The following PRX variants were observed in gnomAD, a reference collection of about 807,000 sequenced individuals.
PRX encodes periaxin.
PRX carries 24 observed loss-of-function variants against 29.6 expected under a neutral mutation model. That is an observed-to-expected ratio of 0.81 (90% CI 0.59 to 1.14). The LOEUF (loss-of-function observed/expected upper bound fraction) is 1.14, where lower values mean the gene tolerates loss of function less well. Ranked by LOEUF, PRX falls within the 50% of genes most tolerant of loss-of-function variation. The probability of loss-of-function intolerance (pLI) is 0.00; values close to 1 mark genes in which losing one functional copy is unlikely to be tolerated. For synonymous variants in PRX, 772 were observed against 831.7 expected (o/e 0.93, Z 1.24); for missense variants, 1,838 against 1,926.4 (o/e 0.95, Z 0.86).
At chr19:40,414,190 A>G (rs775289337), upstream of PRX, among the ~76,000 whole-genome samples, 43 of 152,094 alleles carry the variant, frequency 2.8e-4, no homozygotes, top group African/African-American at 9.6e-4. Context: ...TGGTGTGATC[A>G]TGGCTCACTG....
At position 40,403,694 on chromosome 19, in the gene PRX, G is replaced by A. The variant is rs1035025822; in HGVS notation, c.184+12C>T. On this transcript the variant is annotated intron_variant, in intron 5 of 6. Transcript: ENST00000324001. ...GCAGTTCGACCCCGCCCCACACCCC[G>A]GGCCCGCCCACCTTCCTGCAGGCTG... The A allele has an allele frequency of 3.4e-6, 5 of 1,456,356 alleles. No individual in the cohort carries two copies. The highest frequency in any genetic ancestry group is 4.6e-6 in the Non-Finnish European group (5 of 1,093,790). 90.2% of individuals were successfully genotyped at this position (1,456,356 alleles called of 1,614,324 possible). A position where few individuals can be genotyped will look rare whatever the true frequency, so the allele number is the denominator to read the frequency against.
At chr19:40,404,939 G>A (rs13345497) in intron 4 of PRX, among the ~76,000 whole-genome samples, 8,680 of 152,128 alleles carry the variant, frequency 0.057, 844 homozygotes, top group African/African-American at 0.2. Context: ...AGCAGAACAA[G>A]AGAATAGTTG....
chr19:40,398,026 A>G lies in PRX; in HGVS notation c.382-56T>C. 2 of 1,558,966 alleles carry G rather than the reference A, an allele frequency of 1.3e-6. No individual in the cohort carries two copies. The highest frequency in any genetic ancestry group is 1.7e-6 in the Non-Finnish European group (2 of 1,151,722). ...TGGGACAGTGGGAGGCTGGGAGTGG[A>G]CAGGAAGAGCCCCACCTGGTATTGG... On this transcript the variant is annotated intron_variant, in intron 6 of 6. Transcript: ENST00000324001. The surrounding 1 kb of genome is among the most constrained non-coding windows in gnomAD (Gnocchi z 6.3).
At position 40,398,008 on chromosome 19, in the gene PRX, G is replaced by T. The variant is rs1295384456; in HGVS notation, c.382-38C>A. The T allele has an allele frequency of 1.3e-6, 2 of 1,582,034 alleles. No homozygotes were observed. The highest frequency in any genetic ancestry group is 1.7e-6 in the Non-Finnish European group (2 of 1,163,644). ...GAGAGAGGCAGGAGGCGGTGGGACAGTGGGAGGCTGGGAGTGGACAGGAAG... is the reference window on the plus strand; with the variant it reads ...GAGAGAGGCAGGAGGCGGTGGGACATTGGGAGGCTGGGAGTGGACAGGAAG... On this transcript the variant is annotated intron_variant, in intron 6 of 6. Transcript: ENST00000324001. This position sits in a 1 kb window ranked among gnomAD's most constrained non-coding sequence, Gnocchi z 6.3.
chr19:40,399,854 T>TTC lies in PRX; in HGVS notation c.185-1039_185-1038insGA, dbSNP rs1568711487. 2.2e-3 allele frequency among the ~76,000 whole-genome samples: 208 copies of TTC among 93,922 alleles called. 2 individuals are homozygous for TTC. Among genetic ancestry groups the TTC allele is most frequent in the Non-Finnish European group, 3.0e-3 (146 of 48,336 alleles). The allele number at this position is 93,922 out of a possible 152,430, so 61.6% of individuals were successfully genotyped here. The stretch of plus-strand genomic sequence containing the variant: ...CCACTACACCCAGCTTTCTTTCCTT[T>TTC]CTTTCTTTCTTTCTTTCTTTCTTTC... On this transcript the variant is annotated intron_variant, in intron 5 of 6. Transcript: ENST00000324001.
At chr19:40,410,121 C>G (rs1401035290) in intron 1 of PRX, among the ~76,000 whole-genome samples, 2 of 152,200 alleles carry the variant, frequency 1.3e-5, no homozygotes, top group Non-Finnish European at 2.9e-5. Context: ...CTCAAGGCCT[C>G]ATAGCACAGC....
Position 40,398,403 on chromosome 19 carries a change from T to C in PRX, c.381+217A>G. ...GCCTGGATCCGATGGTGGGGACGCC[T>C]CTCCGAGGTGGGTGAGGGCCCTGGG... On this transcript the variant is annotated intron_variant, in intron 6 of 6. Transcript: ENST00000324001. This position sits in a 1 kb window ranked among gnomAD's most constrained non-coding sequence, Gnocchi z 6.3. The C allele has an allele frequency of 6.8e-7, 1 of 1,466,502 alleles. No individual in the cohort carries two copies. The highest frequency in any genetic ancestry group is 1.4e-5 in the African/African-American group (1 of 70,916). 90.8% of individuals were successfully genotyped at this position (1,466,502 alleles called of 1,614,324 possible).
Position 40,394,364 on chromosome 19 carries a change from T to G in PRX, c.3988A>C (p.Lys1330Gln), listed in dbSNP as rs1480518933. 1.2e-6 allele frequency: 2 copies of G among 1,603,646 alleles called. No homozygotes were observed. Among genetic ancestry groups the G allele is most frequent in the African/African-American group, 2.7e-5 (2 of 74,644 alleles). Residue 1330 changes from lysine to glutamine, a missense_variant, in exon 7 of 7, where the codon AAA (lysine) becomes CAA (glutamine). Lys to Gln is a moderately conservative substitution (Grantham distance 53). Coordinates refer to ENST00000324001, the MANE Select transcript of PRX (RefSeq NM_181882.3). This position sits in a 1 kb window ranked among gnomAD's most constrained non-coding sequence, Gnocchi z 5.8. ...AEEGEKAKSPKLRLPRVGFSQ... is the reference protein window; with the variant it reads ...AEEGEKAKSPQLRLPRVGFSQ... ...AAGCCCACTCGGGGCAGCCTGAGTT[T>G]GGGGCTCTTGGCCTTCTCACCCTCC...
upstream of PRX, among the ~76,000 whole-genome samples, chr19:40,413,565 C>T (rs2079569151): frequency 3.3e-5 from 5 of 152,218 alleles, no homozygotes; most frequent in South Asian, 1.0e-3. Context: ...AGCCGCCTCT[C>T]TCTTGCCTGG....
chr19:40,395,683 C>T lies in PRX; in HGVS notation c.2669G>A (p.Gly890Glu), dbSNP rs1033917570. 3 of 1,614,030 alleles carry T rather than the reference C, an allele frequency of 1.9e-6. No individual in the cohort carries two copies. Among genetic ancestry groups the T allele is most frequent in the Admixed American group, 1.7e-5 (1 of 60,012 alleles). ...ERVEGPEVAA[G>E]VREVGFRVPS... is the part of the protein sequence containing the mutation. Reference sequence around the variant, plus strand: ...CACTCGGAAGCCCACTTCCCTGACCCCTGCTGCCACCTCAGGGCCCTCCAC... The same window carrying T: ...CACTCGGAAGCCCACTTCCCTGACCTCTGCTGCCACCTCAGGGCCCTCCAC... Residue 890 changes from glycine (G) to glutamate (E), a missense_variant, in exon 7 of 7, where the codon GGG becomes GAG. Around this residue, in one of 3 missense-constraint regions of PRX, gnomAD observed 1,143 missense variants for 1,193.0 expected, o/e 0.96. Transcript: ENST00000324001.
At chr19:40,401,127 C>T (rs1056173123) in intron 5 of PRX, among the ~76,000 whole-genome samples, 2 of 152,138 alleles carry the variant, frequency 1.3e-5, no homozygotes, top group Non-Finnish European at 2.9e-5. Flanking sequence ...ACCCAATATC[C>T]AGTCCTCAAA....
chr19:40,393,971 C>T lies in PRX; in HGVS notation c.4381G>A (p.Val1461Ile), dbSNP rs1429618418. The T allele has an allele frequency of 3.1e-6, 5 of 1,612,112 alleles. No individual in the cohort carries two copies. The highest frequency in any genetic ancestry group is 2.2e-5 in the East Asian group (1 of 44,902). ...TCCCCATCTGACTAGGGGCTTCAGA[C>T]AGCCGCAGCCTGAGCCCCCTCCATC... ...ARMEGAQAAA[V>I] is the part of the protein sequence containing the mutation. The change falls in exon 7 of 7, where the codon GTC (valine) becomes ATC (isoleucine). Residue 1461 changes from valine to isoleucine, a missense_variant. This residue lies in a region of PRX where 1,143 missense variants were observed against 1,193.0 expected (regional missense o/e 0.96). Transcript: ENST00000324001.
intron 1 of PRX, among the ~76,000 whole-genome samples, chr19:40,409,753 T>A (rs1027555449): frequency 6.6e-6 from 1 of 152,158 alleles, no homozygotes; most frequent in Non-Finnish European, 1.5e-5. Context: ...ATTACAGGCA[T>A]GAGCCACTGC....
chr19:40,407,480 C>T (rs191673587), intron 4 of PRX: 18 of 226,610 alleles, frequency 7.9e-5, no homozygotes, highest in East Asian at 2.3e-4. Flanking sequence ...TTTTTTTTTC[C>T]GGTAGAGACA....
intron 1 of PRX, among the ~76,000 whole-genome samples, chr19:40,409,503 C>T (rs376790164): frequency 3.6e-5 from 5 of 138,112 alleles, no homozygotes; most frequent in African/African-American, 1.1e-4. Context: ...GACAGAGTCT[C>T]GCTCTGTTGT....
rs149325913 is a variant in PRX, at chr19:40,398,715, G to C, written c.286C>G (p.Leu96Val). 6.2e-7 allele frequency: 1 copy of C among 1,613,986 alleles called. No individual in the cohort carries two copies. The stretch of plus-strand genomic sequence containing the variant: ...TCCCCGGTGGGCACAGTGCGCTTCA[G>C]GCAGAAGGAGACTTTGTAAGGCTCG... ...CAEPYKVSFC[L>V]KRTVPTGDLA... The change falls in exon 6 of 7, where the codon CTG becomes GTG. Residue 96 changes from leucine to valine, a missense_variant. Around this residue, in one of 3 missense-constraint regions of PRX, gnomAD observed 666 missense variants for 665.0 expected, o/e 1.00. Coordinates refer to ENST00000324001, the MANE Select transcript of PRX (RefSeq NM_181882.3). This position sits in a 1 kb window ranked among gnomAD's most constrained non-coding sequence, Gnocchi z 6.3.
intron 4 of PRX, among the ~76,000 whole-genome samples, chr19:40,407,213 TGTG>T (rs1211178711): frequency 1.3e-4 from 2 of 15,898 alleles, no homozygotes; most frequent in Admixed American, 4.0e-4. Flanking sequence ...TATATGCCCT[TGTG>T]TGTGTGTGTG....
chr19:40,403,622 G>C lies in PRX; in HGVS notation c.184+84C>G, dbSNP rs981579936. 7 of 1,458,888 alleles carry C rather than the reference G, an allele frequency of 4.8e-6. No homozygotes were observed. The African/African-American group carries it at 9.8e-5, about 20-fold the overall frequency. 90.4% of individuals were successfully genotyped at this position (1,458,888 alleles called of 1,614,324 possible). ...CGGTCACGCCCCCATCCCCCGGTCA[G>C]TTTCAGCCTCTCTTTGGACCCAAGG... On this transcript the variant is annotated intron_variant, in intron 5 of 6. Coordinates refer to ENST00000324001, the MANE Select transcript of PRX (RefSeq NM_181882.3).
At chr19:40,399,975 C>CTTTCT (rs199869483) in intron 5 of PRX, among the ~76,000 whole-genome samples, 16 of 142,670 alleles carry the variant, frequency 1.1e-4, no homozygotes, top group Admixed American at 2.8e-4. Flanking sequence ...GTCTGTCTGT[C>CTTTCT]TTTCTTTTCT....
Sources: gnomAD v4.1 joint callset for allele counts (sites outside exome capture counted in the v4.1 genomes callset) on GRCh38, gnomAD v4.1.1 for gene constraint, gnomAD v4.1.1 regional missense constraint, Gnocchi (gnomAD v3.1) non-coding constraint, MANE v1.5 for transcripts, NCBI Gene and HGNC (gene_info 2026-07-23, HGNC 2026-07-21) for gene names.